Variants in VPS53 observed in about 807,000 individuals in gnomAD.
VPS53 encodes vacuolar protein sorting-associated protein 53 homolog.
VPS53 carries 70 observed loss-of-function variants against 107.0 expected under a neutral mutation model. The observed-to-expected ratio is 0.65, with a 90% confidence interval of 0.54 to 0.80. VPS53 has a LOEUF of 0.80. Ranked by LOEUF, VPS53 falls within the 30% of genes least tolerant of loss-of-function variation. The pLI is 0.00. For synonymous variants in VPS53, 409 were observed against 393.3 expected (o/e 1.04, Z -0.47); for missense variants, 917 against 1,049.4 (o/e 0.87, Z 1.74).
intron 6 of VPS53, among the ~76,000 whole-genome samples, chr17:655,552 C>G (rs1400407873): frequency 2.8e-5 from 3 of 106,766 alleles, no homozygotes; most frequent in Admixed American, 1.3e-4. Flanking sequence ...CTGTGTCACT[C>G]TGTCTGCCTT....
chr17:573,807 G>A (rs182919533), intron 13 of VPS53, among the ~76,000 whole-genome samples: 42 of 152,262 alleles, frequency 2.8e-4, no homozygotes, highest in Admixed American at 1.4e-3. Flanking sequence ...ACTGTGTTGC[G>A]TCTCTGTCAT....
At chr17:551,760 C>T (rs1398139674) in intron 17 of VPS53, 112 bp downstream of exon 17, 43 of 938,292 alleles carry the variant, frequency 4.6e-5, no homozygotes, top group Non-Finnish European at 6.0e-6. Context: ...CCATTCTCCT[C>T]AGCTGATCCT....
chr17:675,761 C>T (rs1972132690), intron 4 of VPS53: 1 of 122,378 alleles, frequency 8.2e-6, no homozygotes, highest in Admixed American at 8.7e-5. Context: ...GGCGAGACTC[C>T]CATCTCAAAA....
At chr17:537,353 A>C in intron 17 of VPS53, 177 bp from the exon 18 acceptor site, 1 of 687,868 alleles carries the variant, frequency 1.5e-6, no homozygotes, top group Non-Finnish European at 2.4e-6. Flanking sequence ...CTCAGGACAA[A>C]TGCGAGTGTG....
intron 11 of VPS53, among the ~76,000 whole-genome samples, chr17:612,169 CAT>C (rs773876411): frequency 6.6e-6 from 1 of 151,598 alleles, no homozygotes; most frequent in Admixed American, 6.6e-5. Flanking sequence ...TACAAATATT[CAT>C]AGTGAGTTCA....
intron 19 of VPS53, among the ~76,000 whole-genome samples, chr17:526,324 T>C (rs1419185239): frequency 1.3e-5 from 2 of 152,252 alleles, no homozygotes; most frequent in Admixed American, 1.3e-4. Context: ...TTGTACAGTC[T>C]TAAATGACAG....
At chr17:697,023 A>G (rs1462716606) in intron 4 of VPS53, among the ~76,000 whole-genome samples, 2 of 152,210 alleles carry the variant, frequency 1.3e-5, no homozygotes, top group South Asian at 4.1e-4. Flanking sequence ...AAAGCGAGGT[A>G]CGAGGAAATG....
chr17:537,417 G>C, intron 17 of VPS53: 1 of 448,380 alleles, frequency 2.2e-6, no homozygotes. Flanking sequence ...TTCCTGCCTT[G>C]TCCCCGACCT....
At chr17:658,332 T>G (rs1375524623) in intron 5 of VPS53, among the ~76,000 whole-genome samples, 1 of 114,048 alleles carries the variant, frequency 8.8e-6, no homozygotes. Flanking sequence ...CACTCGGCCG[T>G]GAGTTCGTGG....
At chr17:628,310 T>TTAATG in intron 8 of VPS53, 79 bp from the exon 9 acceptor site, 1 of 1,537,176 alleles carries the variant, frequency 6.5e-7, no homozygotes, top group Admixed American at 1.9e-5. Flanking sequence ...CACTACTTGT[T>TTAATG]ATCTCTACGC....
chr17:557,141 CCG>C (rs1912510743), intron 15 of VPS53, among the ~76,000 whole-genome samples: 1 of 152,220 alleles, frequency 6.6e-6, no homozygotes, highest in Admixed American at 6.5e-5. Flanking sequence ...GCATGAGCCA[CCG>C]CGCCCCCACT....
rs528872296 is a variant in VPS53 at position 632,875 on chromosome 17, T to G, written c.609-1247A>C. 5 of 414,486 alleles carry G rather than the reference T, an allele frequency of 1.2e-5. No individual in the cohort carries two copies. In the Admixed American group the frequency reaches 1.2e-4, roughly 10 times the overall value. 25.7% of individuals were successfully genotyped at this position (414,486 alleles called of 1,614,324 possible). A position where few individuals can be genotyped will look rare whatever the true frequency, so the allele number is the denominator to read the frequency against. ...CCAGAAACCAACAAGCTCGTTAAGTTTTTAAACAAATAAATGAAAAGAATG... is the reference window on the plus strand; with the variant it reads ...CCAGAAACCAACAAGCTCGTTAAGTGTTTAAACAAATAAATGAAAAGAATG... On this transcript the variant is annotated intron_variant, in intron 7 of 21. Coordinates refer to ENST00000437048, the MANE Select transcript of VPS53 (RefSeq NM_001128159.3).
intron 5 of VPS53, among the ~76,000 whole-genome samples, chr17:660,678 T>A (rs117006884): frequency 1.6e-5 from 1 of 61,034 alleles, no homozygotes; most frequent in Non-Finnish European, 2.8e-5. Flanking sequence ...GTGTGGTGCA[T>A]CCTTGGTGAA....
chr17:590,570 G>A (rs2143002149), intron 12 of VPS53, among the ~76,000 whole-genome samples: 1 of 152,256 alleles, frequency 6.6e-6, no homozygotes, highest in East Asian at 1.9e-4. Context: ...CTAATTTATT[G>A]AGAGTTTTTA....
intron 11 of VPS53, among the ~76,000 whole-genome samples, chr17:620,159 G>A (rs1969407629): frequency 6.6e-6 from 1 of 152,150 alleles, no homozygotes; most frequent in Non-Finnish European, 1.5e-5. Context: ...GGTTTCAGCT[G>A]CATTTTATTC....
intron 17 of VPS53, 188 bp downstream of exon 17, chr17:551,684 G>C (rs894424236): frequency 3.3e-5 from 14 of 418,100 alleles, no homozygotes; most frequent in African/African-American, 1.4e-4. Flanking sequence ...CATTCTAAAA[G>C]GACAAGCAAC....
intron 4 of VPS53, among the ~76,000 whole-genome samples, chr17:663,009 T>C (rs1363167613): frequency 1.3e-5 from 2 of 151,210 alleles, no homozygotes; most frequent in African/African-American, 4.9e-5. Flanking sequence ...AGTTCAAGAC[T>C]AGCCTGGGGA....
chr17:617,550 C>T (rs1306000611), intron 11 of VPS53, among the ~76,000 whole-genome samples: 1 of 152,156 alleles, frequency 6.6e-6, no homozygotes, highest in African/African-American at 2.4e-5. Context: ...TACAGGCGTG[C>T]GCCACCACGC....
chr17:686,964 T>C (rs146813353), intron 4 of VPS53, among the ~76,000 whole-genome samples: 60 of 140,550 alleles, frequency 4.3e-4, no homozygotes, highest in Middle Eastern at 8.6e-3. Flanking sequence ...CTGGGCAACA[T>C]AGCGAGACCT....
Sources: allele counts gnomAD v4.1 joint callset (sites outside exome capture counted in the v4.1 genomes callset), GRCh38; gene constraint gnomAD v4.1.1; transcripts MANE v1.5; gene names NCBI Gene and HGNC (gene_info 2026-07-23, HGNC 2026-07-21).